TMEM245: variants seen among roughly 807,000 people sequenced by gnomAD.
TMEM245 encodes protein CG-2.
TMEM245 carries 69 observed loss-of-function variants against 101.2 expected under a neutral mutation model. The observed-to-expected ratio is 0.68, with a 90% CI of 0.56 to 0.83. The LOEUF (loss-of-function observed/expected upper bound fraction) is 0.83, where lower values mean the gene tolerates loss of function less well. Among genes scored for constraint, TMEM245 ranks in the 40% least tolerant of loss-of-function variants. The pLI is 0.00. For synonymous variants in TMEM245, 537 were observed against 449.8 expected, an observed-to-expected ratio of 1.19 and a Z score of -2.45; for missense variants, 1,075 against 1,092.8, an observed-to-expected ratio of 0.98 and a Z score of 0.23.
At chr9:109,031,287 T>C (rs1042943076) in intron 17 of TMEM245, among the ~76,000 whole-genome samples, 1 of 152,144 alleles carries the variant, frequency 6.6e-6, no homozygotes. Context: ...CGTGGCAAAA[T>C]AAGAAATTTT....
At chr9:109,088,813 C>G in intron 5 of TMEM245, among the ~76,000 whole-genome samples, 1 of 88,502 alleles carries the variant, frequency 1.1e-5, no homozygotes, top group Middle Eastern at 0.01. Flanking sequence ...GAGACTACAT[C>G]TCAAAAAAAA....
chr9:109,091,283 G>A (rs1830000535), intron 4 of TMEM245, 128 bp from the exon 5 acceptor site: 2 of 769,182 alleles, frequency 2.6e-6, no homozygotes, highest in South Asian at 4.3e-5. Flanking sequence ...ATTACATCGG[G>A]TTAAAAAAGA....
chr9:109,108,873 T>C (rs576393982), intron 1 of TMEM245, among the ~76,000 whole-genome samples: 41 of 152,280 alleles, frequency 2.7e-4, no homozygotes, highest in Non-Finnish European at 2.9e-4. Context: ...GCATAAACCA[T>C]GGATTTAAAT....
chr9:109,048,883 T>C (rs1454297391), intron 14 of TMEM245, among the ~76,000 whole-genome samples: 2 of 152,202 alleles, frequency 1.3e-5, no homozygotes, highest in African/African-American at 4.8e-5. Flanking sequence ...CTCCAGTGCA[T>C]ACAGAGCCTA....
chr9:109,047,789 T>C (rs148682795), intron 14 of TMEM245, among the ~76,000 whole-genome samples: 1 of 152,320 alleles, frequency 6.6e-6, no homozygotes, highest in East Asian at 1.9e-4. Flanking sequence ...ATGAACAAGG[T>C]AGATATTTTT....
chr9:109,109,432 T>C (rs1197725161), intron 1 of TMEM245, among the ~76,000 whole-genome samples: 1 of 143,390 alleles, frequency 7.0e-6, no homozygotes, highest in Non-Finnish European at 1.5e-5. Flanking sequence ...GACATGAACC[T>C]TGCCAAAAAA....
At position 109,089,487 on chromosome 9, in the gene TMEM245, C is replaced by A. The variant is rs373602121; in HGVS notation, c.1150+1435G>T. On this transcript the variant is annotated intron_variant, in intron 5 of 17. Coordinates refer to ENST00000374586, the MANE Select transcript of TMEM245 (RefSeq NM_032012.4). ...TCCAAAAATCAGATTACGTTTTAAT[C>A]AATAGTGAAAAACCTTGACATAGGA... Among the ~76,000 whole-genome samples the A allele has an allele frequency of 4.6e-5, 7 of 152,110 alleles. No homozygotes were observed. In the East Asian group the frequency reaches 5.8e-4, roughly 13 times the overall value.
intron 3 of TMEM245, among the ~76,000 whole-genome samples, chr9:109,100,602 G>A (rs79829392): frequency 0.027 from 4,131 of 152,166 alleles, 81 homozygotes; most frequent in Non-Finnish European, 0.044. Flanking sequence ...CAATCCTCCC[G>A]CCTTGGCCTC....
At chr9:109,095,120 AAT>A (rs1241083637) in intron 3 of TMEM245, among the ~76,000 whole-genome samples, 9 of 152,302 alleles carry the variant, frequency 5.9e-5, no homozygotes, top group African/African-American at 2.2e-4. Flanking sequence ...CGTATCTCTC[AAT>A]ATGAGAGAAA....
intron 14 of TMEM245, among the ~76,000 whole-genome samples, chr9:109,040,691 T>C (rs550728627): frequency 1.3e-5 from 2 of 152,368 alleles, no homozygotes; most frequent in South Asian, 4.1e-4. Context: ...TACATTCACG[T>C]TGTCGTGTAG....
chr9:109,090,862 A>C, intron 5 of TMEM245, 60 bp downstream of exon 5: 1 of 1,507,762 alleles, frequency 6.6e-7, no homozygotes, highest in Non-Finnish European at 9.0e-7. Flanking sequence ...TCCAAAAGTA[A>C]AAAAAGAAAA....
chr9:109,111,000 C>T (rs1028672448), intron 1 of TMEM245, among the ~76,000 whole-genome samples: 1 of 151,926 alleles, frequency 6.6e-6, no homozygotes, highest in African/African-American at 2.4e-5. Flanking sequence ...CGCTACCAAA[C>T]CACACAACAA....
At chr9:109,083,922 A>AG (rs1332172608) in intron 7 of TMEM245, among the ~76,000 whole-genome samples, 1 of 142,548 alleles carries the variant, frequency 7.0e-6, no homozygotes, top group Non-Finnish European at 1.5e-5. Flanking sequence ...AAAAAAAAAA[A>AG]AAAAAAACAC....
Position 109,113,130 on chromosome 9 carries a change from C to T in TMEM245, c.580-4560G>A, listed in dbSNP as rs59649152. Among the ~76,000 whole-genome samples the T allele has an allele frequency of 3.5e-3, 540 of 152,336 alleles. 4 individuals carry two copies. Among genetic ancestry groups the T allele is most frequent in the African/African-American group, 0.012 (518 of 41,582 alleles). ...AAAGGGATAATTCACTTTTACCATA[C>T]AAACTTCTGTTCTGCTTATGTTTTT... On this transcript the variant is annotated intron_variant, in intron 1 of 17. Transcript: ENST00000374586.
chr9:109,042,612 T>C (rs1440841058), intron 14 of TMEM245: 2 of 152,176 alleles, frequency 1.3e-5, no homozygotes, highest in East Asian at 3.9e-4. Context: ...TCCACATGTC[T>C]CCTTCATTCT....
rs1239343285 is a variant in TMEM245, at chr9:109,033,299, T to A, written c.2594+8A>T. 8 of 1,594,954 alleles carry A rather than the reference T, an allele frequency of 5.0e-6. No homozygotes were observed. The highest frequency in any genetic ancestry group is 6.0e-6 in the Non-Finnish European group (7 of 1,171,418). ...AATACAGCTTATGATTATTCTGCTTTAACTCACCGCTGAGGCTGAGCAGGC... is the reference window on the plus strand; with the variant it reads ...AATACAGCTTATGATTATTCTGCTTAAACTCACCGCTGAGGCTGAGCAGGC... On this transcript the variant is annotated splice_region_variant and intron_variant, in intron 17 of 17. Coordinates refer to ENST00000374586, the MANE Select transcript of TMEM245 (RefSeq NM_032012.4).
intron 1 of TMEM245, among the ~76,000 whole-genome samples, chr9:109,112,149 C>A (rs2132662794): frequency 6.6e-6 from 1 of 151,772 alleles, no homozygotes; most frequent in East Asian, 1.9e-4. Flanking sequence ...TCAAAGTATT[C>A]TAATACAAAT....
rs1324120527 is a variant in TMEM245, at chr9:109,016,463, C to A, written c.*3997G>T. 2.0e-5 allele frequency: 3 copies of A among 152,202 alleles called. No individual in the cohort carries two copies. The highest frequency in any genetic ancestry group is 2.4e-5 in the African/African-American group (1 of 41,446). The allele number at this position is 152,202 out of a possible 1,614,324, so 9.4% of individuals were successfully genotyped here. On this transcript the variant is annotated 3_prime_UTR_variant, in exon 18 of 18. Transcript: ENST00000374586. The stretch of plus-strand genomic sequence containing the variant: ...ATTCTATTCTGAATTCTGTTACTAA[C>A]TGGCTGTATGTGTATGTCAGACAAG...
chr9:109,053,920 A>G (rs575613787), intron 12 of TMEM245, among the ~76,000 whole-genome samples: 3 of 152,208 alleles, frequency 2.0e-5, no homozygotes, highest in Admixed American at 1.3e-4. Flanking sequence ...GAGACAATGG[A>G]CCACATGAGC....
Sources: allele counts gnomAD v4.1 joint callset (sites outside exome capture counted in the v4.1 genomes callset), GRCh38; gene constraint gnomAD v4.1.1; transcripts MANE v1.5; gene names NCBI Gene and HGNC (gene_info 2026-07-23, HGNC 2026-07-21).